The following CDH13 variants were observed in gnomAD, a reference collection of about 807,000 sequenced individuals.
The protein encoded by CDH13 is cadherin 13, also known as cadherin-13.
In CDH13, 24 loss-of-function variants were observed where a neutral mutation model predicts 63.8. The observed-to-expected ratio is 0.38, with a 90% CI of 0.27 to 0.53. The LOEUF is 0.53. Ranked by LOEUF, CDH13 falls within the 20% of genes least tolerant of loss-of-function variation. The pLI, the probability that CDH13 is intolerant of heterozygous loss-of-function variation, is 0.85. For synonymous variants in CDH13, 503 were observed against 355.3 expected (o/e 1.42, Z -4.67); for missense variants, 1,049 against 903.1 (o/e 1.16, Z -2.07).
intron 1 of CDH13, among the ~76,000 whole-genome samples, chr16:82,785,765 G>T (rs1214949988): frequency 6.6e-6 from 1 of 152,190 alleles, no homozygotes; most frequent in Non-Finnish European, 1.5e-5. Flanking sequence ...GAAGGTTATT[G>T]TTATATATAA....
intron 1 of CDH13, among the ~76,000 whole-genome samples, chr16:82,706,239 A>G (rs2031480442): frequency 6.6e-6 from 1 of 152,208 alleles, no homozygotes. Flanking sequence ...AAGGCACTGG[A>G]AATACACTGA....
At chr16:83,551,164 C>G (rs1053774753) in intron 7 of CDH13, among the ~76,000 whole-genome samples, 2 of 152,110 alleles carry the variant, frequency 1.3e-5, no homozygotes, top group African/African-American at 4.8e-5. Flanking sequence ...TCCCTGCAAA[C>G]TCCGCCTCCC....
intron 7 of CDH13, among the ~76,000 whole-genome samples, chr16:83,585,405 G>C (rs556769988): frequency 4.5e-4 from 69 of 152,304 alleles, no homozygotes; most frequent in Non-Finnish European, 8.8e-4. Context: ...TGTTCAGTGG[G>C]TGTGGGAGAG....
At chr16:82,745,930 T>C (rs866941728) in intron 1 of CDH13, among the ~76,000 whole-genome samples, 90 of 152,266 alleles carry the variant, frequency 5.9e-4, no homozygotes, top group African/African-American at 1.9e-3. Flanking sequence ...TTGTGGTTCT[T>C]AATGGATATA....
At chr16:82,710,549 AAAAATATATATAT>A (rs1400770759) in intron 1 of CDH13, among the ~76,000 whole-genome samples, 1 of 99,698 alleles carries the variant, frequency 1.0e-5, no homozygotes, top group Non-Finnish European at 2.0e-5. Flanking sequence ...AAAAAAAAAA[AAAAATATATATAT>A]ATATATATAT....
At chr16:83,013,119 T>A (rs1157023470) in intron 2 of CDH13, among the ~76,000 whole-genome samples, 1 of 152,170 alleles carries the variant, frequency 6.6e-6, no homozygotes, top group East Asian at 1.9e-4. Flanking sequence ...TCAACAAACT[T>A]ATTTTGAAAA....
At chr16:83,269,834 C>A (rs989114105) in intron 5 of CDH13, among the ~76,000 whole-genome samples, 4 of 152,148 alleles carry the variant, frequency 2.6e-5, no homozygotes, top group African/African-American at 9.7e-5. Flanking sequence ...ACCGTTAATC[C>A]CTTCTGCACT....
chr16:83,487,191 A>G (rs2073909268), intron 7 of CDH13, among the ~76,000 whole-genome samples: 2 of 152,160 alleles, frequency 1.3e-5, no homozygotes, highest in Non-Finnish European at 2.9e-5. Context: ...CTCCTGGGTC[A>G]CATGTCACAA....
rs377135168 is a variant in CDH13 at position 83,501,689 on chromosome 16, C to T, written c.960+15034C>T. Among the ~76,000 whole-genome samples the T allele has an allele frequency of 2.0e-4, 30 of 152,288 alleles. No homozygotes were observed. The South Asian group carries it at 5.6e-3, about 28-fold the overall frequency. Reference sequence around the variant, plus strand: ...GGGCTGACCTGCCTTTCCTGAGTCACCCACTGGAGAGCCAGGGCATTGGAT... The same window carrying T: ...GGGCTGACCTGCCTTTCCTGAGTCATCCACTGGAGAGCCAGGGCATTGGAT... On this transcript the variant is annotated intron_variant, in intron 7 of 13. Transcript: ENST00000567109.
At chr16:82,648,809 T>C (rs1910398386) in intron 1 of CDH13, among the ~76,000 whole-genome samples, 1 of 152,094 alleles carries the variant, frequency 6.6e-6, no homozygotes, top group Non-Finnish European at 1.5e-5. Context: ...CCAGTGAAAG[T>C]TTTAAAGAAG....
intron 6 of CDH13, among the ~76,000 whole-genome samples, chr16:83,390,802 A>C (rs1310530037): frequency 6.6e-6 from 1 of 152,200 alleles, no homozygotes; most frequent in Non-Finnish European, 1.5e-5. Context: ...ATATTTATTC[A>C]GCCGAGGTAG....
intron 1 of CDH13, among the ~76,000 whole-genome samples, chr16:82,723,540 T>G (rs1449159919): frequency 6.6e-6 from 1 of 152,088 alleles, no homozygotes; most frequent in African/African-American, 2.4e-5. Flanking sequence ...GCCCTATTCC[T>G]CTGTCTGCCA....
intron 7 of CDH13, among the ~76,000 whole-genome samples, chr16:83,505,760 C>A (rs571299553): frequency 6.6e-6 from 1 of 152,172 alleles, no homozygotes; most frequent in African/African-American, 2.4e-5. Context: ...TTAGGCTGGT[C>A]TTGAACTCCT....
At chr16:83,382,111 C>T (rs2091579317) in intron 6 of CDH13, among the ~76,000 whole-genome samples, 2 of 152,164 alleles carry the variant, frequency 1.3e-5, no homozygotes, top group African/African-American at 4.8e-5. Flanking sequence ...GAGTAAGTCA[C>T]CTACCTTCTC....
At chr16:82,806,977 G>C (rs1474888121) in intron 1 of CDH13, among the ~76,000 whole-genome samples, 6 of 152,098 alleles carry the variant, frequency 3.9e-5, no homozygotes, top group Admixed American at 2.0e-4. Context: ...GACAACTATG[G>C]GTAGCAAAGG....
chr16:82,892,710 A>C (rs575708945), intron 2 of CDH13, among the ~76,000 whole-genome samples: 332 of 152,370 alleles, frequency 2.2e-3, no homozygotes, highest in Non-Finnish European at 2.3e-3. Flanking sequence ...AGAAACAACT[A>C]TTTGAAATGC....
intron 11 of CDH13, among the ~76,000 whole-genome samples, chr16:83,768,220 G>T (rs1464806231): frequency 6.6e-6 from 1 of 151,882 alleles, no homozygotes; most frequent in Non-Finnish European, 1.5e-5. Context: ...GTCTATTAAT[G>T]ACAAGATATA....
chr16:82,919,309 G>A (rs1028873803), intron 2 of CDH13, among the ~76,000 whole-genome samples: 15 of 152,116 alleles, frequency 9.9e-5, no homozygotes, highest in African/African-American at 1.7e-4. Flanking sequence ...GATCAGCCTC[G>A]TACTAAGCCT....
intron 4 of CDH13, among the ~76,000 whole-genome samples, chr16:83,193,980 C>T (rs150939216): frequency 2.6e-4 from 39 of 152,296 alleles, no homozygotes; most frequent in African/African-American, 8.4e-4. Context: ...CCCCACAATA[C>T]GAGGAGGGAA....
Sources: allele counts gnomAD v4.1 joint callset (sites outside exome capture counted in the v4.1 genomes callset), GRCh38; gene constraint gnomAD v4.1.1; transcripts MANE v1.5; gene names NCBI Gene and HGNC (gene_info 2026-07-23, HGNC 2026-07-21).